KIF27: variants seen among roughly 807,000 people sequenced by gnomAD.
The protein encoded by KIF27 is kinesin family member 27.
Under a neutral mutation model 141.8 loss-of-function variants are expected in KIF27, and 84 were observed. The observed-to-expected ratio is 0.59, with a 90% confidence interval of 0.50 to 0.71. KIF27 has a LOEUF of 0.71. KIF27 is among the 30% of genes least tolerant of loss of function. The pLI, the probability that KIF27 is intolerant of heterozygous loss-of-function variation, is 0.00. For synonymous variants in KIF27, 471 were observed against 569.5 expected, an observed-to-expected ratio of 0.83 and a Z score of 2.46; for missense variants, 1,306 against 1,628.4, an observed-to-expected ratio of 0.80 and a Z score of 3.41.
At chr9:83,838,390 C>T (rs1201045282) in intron 17 of KIF27, among the ~76,000 whole-genome samples, 2 of 152,274 alleles carry the variant, frequency 1.3e-5, no homozygotes, top group East Asian at 1.9e-4. Flanking sequence ...CCCGCCACCA[C>T]GCCCGGCGAA....
chr9:83,908,261 CAAAAAAAAA>C (rs769794962), intron 3 of KIF27, among the ~76,000 whole-genome samples, 182 bp downstream of exon 3: 2,351 of 74,330 alleles, frequency 0.032, 86 homozygotes, highest in African/African-American at 0.11. Context: ...AACTCCATCT[CAAAAAAAAA>C]AAAAAAAAAA....
intron 17 of KIF27, chr9:83,837,977 T>C (rs1310450544): frequency 6.4e-6 from 1 of 156,814 alleles, no homozygotes; most frequent in African/African-American, 2.4e-5. Context: ...CCTGTCTGAA[T>C]GTACTCTGGG....
At chr9:83,891,266 A>C (rs1563963635) in intron 6 of KIF27, 29 bp downstream of exon 6, 1 of 1,593,716 alleles carries the variant, frequency 6.3e-7, no homozygotes, top group Non-Finnish European at 8.6e-7. Context: ...TTTAATCTCC[A>C]AATAAGGAAA....
At chr9:83,874,727 A>G (rs1272337751) in intron 11 of KIF27, among the ~76,000 whole-genome samples, 1 of 152,054 alleles carries the variant, frequency 6.6e-6, no homozygotes, top group Non-Finnish European at 1.5e-5. Context: ...TGAGCCCAGG[A>G]GTTCGAGATC....
intron 15 of KIF27, among the ~76,000 whole-genome samples, chr9:83,850,714 C>T (rs1948459930): frequency 6.7e-6 from 1 of 148,380 alleles, no homozygotes; most frequent in Admixed American, 6.7e-5. Context: ...ACCTGGGAGG[C>T]GGAGTCTGCA....
intron 16 of KIF27, chr9:83,849,105 T>G (rs1232049792): frequency 1.3e-5 from 2 of 152,132 alleles, no homozygotes. Context: ...TGAGCCACCA[T>G]GTTTGGCCAA....
intron 8 of KIF27, 99 bp from the exon 9 acceptor site, chr9:83,887,295 T>C: frequency 1.3e-6 from 1 of 769,336 alleles, no homozygotes; most frequent in Non-Finnish European, 1.9e-6. Context: ...AATTTAGAGG[T>C]GGCAGTGGAA....
intron 2 of KIF27, among the ~76,000 whole-genome samples, chr9:83,913,512 A>C (rs1168099672): frequency 6.6e-6 from 1 of 152,016 alleles, no homozygotes; most frequent in Non-Finnish European, 1.5e-5. Flanking sequence ...ATCTTGGCTC[A>C]CTGTAGCCTC....
intron 11 of KIF27, among the ~76,000 whole-genome samples, chr9:83,871,632 C>CT (rs1402739823): frequency 2.0e-5 from 3 of 151,282 alleles, no homozygotes; most frequent in Admixed American, 2.0e-4. Flanking sequence ...TGAGAATAGA[C>CT]TTGGAAGACA....
chr9:83,887,102 C>A lies in KIF27; in HGVS notation c.2178G>T (p.Met726Ile). The A allele has an allele frequency of 1.2e-6, 2 of 1,601,330 alleles. No homozygotes were observed. The highest frequency in any genetic ancestry group is 2.3e-5 in the East Asian group (1 of 44,394). ...ERILTEAKQK[M>I]RELTINIKMK... Reference sequence around the variant, plus strand: ...TCTTGATGTTAATTGTAAGTTCTCTCATTTTTTGTTTAGCTTCAGTAAGTA... The same window carrying A: ...TCTTGATGTTAATTGTAAGTTCTCTAATTTTTTGTTTAGCTTCAGTAAGTA... Residue 726 changes from methionine to isoleucine, a missense_variant, in exon 9 of 18, where the codon ATG becomes ATT. Physicochemically the swap from Met to Ile is conservative, Grantham distance 10. Coordinates refer to ENST00000297814, the MANE Select transcript of KIF27 (RefSeq NM_017576.4).
At chr9:83,914,400 A>G (rs1031256561) in intron 2 of KIF27, among the ~76,000 whole-genome samples, 1 of 152,104 alleles carries the variant, frequency 6.6e-6, no homozygotes, top group African/African-American at 2.4e-5. Context: ...AATCTTTGCA[A>G]TAAAGATTTC....
rs897720090 is a variant in KIF27, at chr9:83,848,477, T to TAC, written c.3556+1620_3556+1621dup. ...ATATATCTATATCTATATGTATATA[T>TAC]ACATATAGATATGTATATATCTATA... On this transcript the variant is annotated intron_variant, in intron 16 of 17. Coordinates refer to ENST00000297814, the MANE Select transcript of KIF27 (RefSeq NM_017576.4). Among the ~76,000 whole-genome samples the TAC allele has an allele frequency of 5.6e-5, 8 of 143,732 alleles. 1 individual carries two copies. The highest frequency in any genetic ancestry group is 2.0e-4 in the African/African-American group (8 of 39,566). 94.3% of individuals were successfully genotyped at this position (143,732 alleles called of 152,430 possible).
intron 2 of KIF27, among the ~76,000 whole-genome samples, chr9:83,910,226 A>G (rs1257490494): frequency 6.6e-6 from 1 of 151,978 alleles, no homozygotes; most frequent in Non-Finnish European, 1.5e-5. Context: ...TTGGATATTC[A>G]CTACTACTAG....
Position 83,867,803 on chromosome 9 carries a change from G to T in KIF27, c.2815C>A (p.Arg939Ser). ...GCTTCCAGCTCCTCTAATTCTTGGC[G>T]TTGGTTCAGAACTTTCTCTACTTCT... Reference protein sequence around the residue: ...DEEVEKVLNQRQELEELEADL... With the variant: ...DEEVEKVLNQSQELEELEADL... Residue 939 changes from arginine (R) to serine (S), a missense_variant, in exon 13 of 18, where the codon CGC becomes AGC. Coordinates refer to ENST00000297814, the MANE Select transcript of KIF27 (RefSeq NM_017576.4). 6.2e-7 allele frequency: 1 copy of T among 1,612,444 alleles called. No individual in the cohort carries two copies. Among genetic ancestry groups the T allele is most frequent in the African/African-American group, 1.3e-5 (1 of 74,854 alleles).
At position 83,883,824 on chromosome 9, in the gene KIF27, G is replaced by A. The variant is rs879022136; in HGVS notation, c.2434C>T (p.Leu812=). ...ATTTTTTAAATTACCTGAACTCTCA[G>A]CTTTGCAGCATCCATCTTTTTACGA... ...EFRKKMDAAK[L]RVQVLQKKQQ... Residue 812 remains leucine (L), a synonymous_variant, in exon 10 of 18, where the codon CTG becomes TTG. Coordinates refer to ENST00000297814, the MANE Select transcript of KIF27 (RefSeq NM_017576.4). 6 of 1,608,772 alleles carry A rather than the reference G, an allele frequency of 3.7e-6. No individual in the cohort carries two copies. The highest frequency in any genetic ancestry group is 3.3e-5 in the Admixed American group (2 of 59,944).
At chr9:83,902,070 C>T (rs1465427707) in intron 4 of KIF27, among the ~76,000 whole-genome samples, 2 of 151,984 alleles carry the variant, frequency 1.3e-5, no homozygotes, top group African/African-American at 2.4e-5. Context: ...GTAAAGAAGT[C>T]GTCCTGTGAT....
intron 16 of KIF27, among the ~76,000 whole-genome samples, chr9:83,849,195 A>T (rs2131659161): frequency 6.6e-6 from 1 of 152,336 alleles, no homozygotes. Context: ...TTAAAATATC[A>T]GTTTCAGAAC....
Position 83,850,142 on chromosome 9 carries a change from C to T in KIF27, c.3513G>A (p.Lys1171=), listed in dbSNP as rs758341180. 1.9e-6 allele frequency: 3 copies of T among 1,613,920 alleles called. No homozygotes were observed. The highest frequency in any genetic ancestry group is 2.5e-6 in the Non-Finnish European group (3 of 1,179,828). Residue 1171 remains lysine, a synonymous_variant, in exon 16 of 18, where the codon AAG becomes AAA. Transcript: ENST00000297814. ...GCAACTGCATCTTTTGTTCGTGTTCCTTTTGCTGGAGGGTCAGTCTCCGGT... is the reference window on the plus strand; with the variant it reads ...GCAACTGCATCTTTTGTTCGTGTTCTTTTTGCTGGAGGGTCAGTCTCCGGT... ...QCDRRLTLQQ[K]EHEQKMQLLL...
chr9:83,877,757 T>C (rs1229886664), intron 11 of KIF27, among the ~76,000 whole-genome samples: 1 of 152,118 alleles, frequency 6.6e-6, no homozygotes, highest in East Asian at 1.9e-4. Flanking sequence ...AAATCACGTA[T>C]CTGATAGAAT....
Sources: gnomAD v4.1 joint callset for allele counts (sites outside exome capture counted in the v4.1 genomes callset) on GRCh38, gnomAD v4.1.1 for gene constraint, MANE v1.5 for transcripts, NCBI Gene and HGNC (gene_info 2026-07-23, HGNC 2026-07-21) for gene names.